The following IQCM variants were observed in gnomAD, a reference collection of about 807,000 sequenced individuals.
IQCM encodes the protein IQ motif containing M.
IQCM carries 45 observed loss-of-function variants against 57.6 expected under a neutral mutation model. The observed-to-expected ratio is 0.78, with a 90% CI of 0.62 to 1.00. The LOEUF is 1.00. IQCM is among the 50% of genes least tolerant of loss of function. IQCM has a pLI of 0.00. For missense variants in IQCM, 468 were observed against 511.6 expected, an observed-to-expected ratio of 0.91 and a Z score of 0.82; for synonymous variants, 148 against 158.9, an observed-to-expected ratio of 0.93 and a Z score of 0.51.
intron 2 of IQCM, among the ~76,000 whole-genome samples, chr4:149,754,249 G>T (rs930725728): frequency 6.6e-6 from 1 of 152,144 alleles, no homozygotes; most frequent in African/African-American, 2.4e-5. Context: ...TAGGATTTAT[G>T]CAGGCTCAGA....
At chr4:149,524,814 C>A (rs1384064428) in intron 12 of IQCM, among the ~76,000 whole-genome samples, 1 of 151,440 alleles carries the variant, frequency 6.6e-6, no homozygotes, top group East Asian at 1.9e-4. Flanking sequence ...AGAGACATAA[C>A]CATCTGTAGA....
In IQCM at chr4:149,726,071, A is replaced by AAAAGAAAGAAAGAAAG. The variant is rs529190046; in HGVS notation, c.385+7157_385+7172dup. On this transcript the variant is annotated intron_variant, in intron 5 of 13. Coordinates refer to ENST00000636793, the MANE Select transcript of IQCM (RefSeq NM_001363507.2). ...CTTCCCAACCATTTCTCTTCCCTCT[A>AAAAGAAAGAAAGAAAG]AAAGAAAGAAAGAAAGAAAGAAAGA... Among the ~76,000 whole-genome samples, 320 of 94,782 alleles carry AAAAGAAAGAAAGAAAG rather than the reference A, an allele frequency of 3.4e-3. 2 individuals are homozygous for AAAAGAAAGAAAGAAAG. The highest frequency in any genetic ancestry group is 0.01 in the East Asian group (32 of 3,068). The allele number at this position is 94,782 out of a possible 152,430, so 62.2% of individuals were successfully genotyped here.
chr4:149,566,042 A>C (rs1268104415), intron 9 of IQCM, among the ~76,000 whole-genome samples: 1 of 152,198 alleles, frequency 6.6e-6, no homozygotes, highest in Non-Finnish European at 1.5e-5. Flanking sequence ...TTGTTTGTTT[A>C]AATTAAGACT....
intron 2 of IQCM, among the ~76,000 whole-genome samples, chr4:149,766,857 C>T (rs953327139): frequency 3.9e-5 from 6 of 152,066 alleles, no homozygotes; most frequent in African/African-American, 1.4e-4. Context: ...AGGTTAAAAA[C>T]ATCATTGCAT....
intron 9 of IQCM, among the ~76,000 whole-genome samples, chr4:149,570,905 A>G (rs967996608): frequency 6.6e-6 from 1 of 152,076 alleles, no homozygotes; most frequent in African/African-American, 2.4e-5. Context: ...AATGCTCAAC[A>G]TCACTAATCA....
intron 8 of IQCM, among the ~76,000 whole-genome samples, chr4:149,594,016 C>T (rs1002500484): frequency 7.2e-5 from 11 of 151,982 alleles, no homozygotes; most frequent in African/African-American, 2.2e-4. Flanking sequence ...TGATTGGAAT[C>T]GTTTCAGAAG....
chr4:149,726,079 G>GAAAGAAAC (rs1765876018), intron 5 of IQCM, among the ~76,000 whole-genome samples: 2 of 82,440 alleles, frequency 2.4e-5, no homozygotes, highest in Non-Finnish European at 5.8e-5. Flanking sequence ...CTAAAAGAAA[G>GAAAGAAAC]AAAGAAAGAA....
intron 12 of IQCM, among the ~76,000 whole-genome samples, chr4:149,480,130 A>G (rs1010150682): frequency 1.3e-5 from 2 of 152,114 alleles, no homozygotes; most frequent in Admixed American, 1.3e-4. Flanking sequence ...AGATCCACAT[A>G]ACATCACTCT....
chr4:149,366,843 A>C (rs1729878155), intron 13 of IQCM, among the ~76,000 whole-genome samples: 1 of 152,014 alleles, frequency 6.6e-6, no homozygotes, highest in Admixed American at 6.6e-5. Context: ...TATGTATAAA[A>C]ATTTTCACAA....
At chr4:149,580,137 G>A (rs1485886335) in intron 9 of IQCM, among the ~76,000 whole-genome samples, 1 of 151,758 alleles carries the variant, frequency 6.6e-6, no homozygotes, top group Non-Finnish European at 1.5e-5. Context: ...ACTGATAGAA[G>A]AGAACTGAAA....
chr4:149,513,461 T>G (rs187548198), intron 12 of IQCM, among the ~76,000 whole-genome samples: 1 of 152,308 alleles, frequency 6.6e-6, no homozygotes, highest in Admixed American at 6.5e-5. Context: ...TCCATTTAGT[T>G]GTAATAAATA....
intron 13 of IQCM, among the ~76,000 whole-genome samples, chr4:149,397,421 T>C (rs1197092355): frequency 2.6e-5 from 4 of 151,908 alleles, no homozygotes; most frequent in Non-Finnish European, 5.9e-5. Flanking sequence ...TGGGAGGTGA[T>C]TGGATCATGG....
At chr4:149,371,233 G>A (rs1225404374) in intron 13 of IQCM, among the ~76,000 whole-genome samples, 1 of 152,098 alleles carries the variant, frequency 6.6e-6, no homozygotes, top group Non-Finnish European at 1.5e-5. Flanking sequence ...AAGCAAACGT[G>A]GGGCAACTTT....
intron 12 of IQCM, among the ~76,000 whole-genome samples, chr4:149,545,982 C>T (rs142344658): frequency 4.2e-4 from 64 of 152,222 alleles, no homozygotes; most frequent in African/African-American, 1.3e-3. Flanking sequence ...CCCGACCCCA[C>T]GACAGGCCCC....
chr4:149,590,530 C>T (rs1753054867), intron 8 of IQCM, among the ~76,000 whole-genome samples: 2 of 151,844 alleles, frequency 1.3e-5, no homozygotes, highest in South Asian at 2.1e-4. Context: ...TACACACATG[C>T]CACGGTGGTT....
chr4:149,678,727 T>C (rs1256486913), intron 7 of IQCM, among the ~76,000 whole-genome samples: 2 of 151,536 alleles, frequency 1.3e-5, no homozygotes, highest in Admixed American at 6.6e-5. Context: ...AATAGCTAGA[T>C]TGACCTGTTA....
chr4:149,651,357 T>C (rs867675573), intron 7 of IQCM, among the ~76,000 whole-genome samples: 1 of 152,120 alleles, frequency 6.6e-6, no homozygotes, highest in African/African-American at 2.4e-5. Context: ...CGACCTCCAG[T>C]TGAAGCAGGG....
At chr4:149,368,942 ATG>A (rs1239117380) in intron 13 of IQCM, among the ~76,000 whole-genome samples, 3 of 68,816 alleles carry the variant, frequency 4.4e-5, no homozygotes, top group East Asian at 7.3e-4. Flanking sequence ...GTGTATATAT[ATG>A]TGTATATATA....
chr4:149,511,155 C>A (rs1744369469), intron 12 of IQCM, among the ~76,000 whole-genome samples: 2 of 152,062 alleles, frequency 1.3e-5, no homozygotes, highest in Admixed American at 1.3e-4. Flanking sequence ...CCTTTCTCTC[C>A]CTCATCTCTA....
Sources: gnomAD v4.1 joint callset for allele counts (sites outside exome capture counted in the v4.1 genomes callset) on GRCh38, gnomAD v4.1.1 for gene constraint, MANE v1.5 for transcripts, NCBI Gene and HGNC (gene_info 2026-07-23, HGNC 2026-07-21) for gene names.